Variants in AVEN observed in about 807,000 individuals in gnomAD.
The protein encoded by AVEN is apoptosis and caspase activation inhibitor, also known as cell death regulator Aven.
In AVEN, 41 loss-of-function variants were observed where a neutral mutation model predicts 38.1. That is an observed-to-expected ratio of 1.08 (90% CI 0.84 to 1.40). The LOEUF (loss-of-function observed/expected upper bound fraction) is 1.40. Among genes scored for constraint, AVEN ranks in the 40% most tolerant of loss-of-function variants. AVEN has a pLI of 0.00. For missense variants in AVEN, 605 were observed against 438.8 expected, an observed-to-expected ratio of 1.38 and a Z score of -3.38; for synonymous variants, 206 against 171.8, an observed-to-expected ratio of 1.20 and a Z score of -1.56.
chr15:33,859,375 T>G (rs2080091052), intron 11 of AVEN, among the ~76,000 whole-genome samples: 1 of 152,234 alleles, frequency 6.6e-6, no homozygotes. Context: ...AACGACAGTC[T>G]TTCCATCTTT....
chr15:33,871,046 A>AT lies in AVEN; in HGVS notation c.517-17_517-16insA. ...ATGCTGAATTCTATATATATATATA[A>AT]AAGAAAATAAAATATCAGGTGATGA... On this transcript the variant is annotated splice_polypyrimidine_tract_variant and intron_variant, in intron 3 of 5. Transcript: ENST00000306730. 1.5e-6 allele frequency: 2 copies of AT among 1,301,564 alleles called. No homozygotes were observed. Among genetic ancestry groups the AT allele is most frequent in the Non-Finnish European group, 2.0e-6 (2 of 987,322 alleles). 80.6% of individuals were successfully genotyped at this position (1,301,564 alleles called of 1,614,324 possible). A position where few individuals can be genotyped will look rare whatever the true frequency, so the allele number is the denominator to read the frequency against.
intron 2 of AVEN, among the ~76,000 whole-genome samples, chr15:33,925,306 C>T (rs146611006): frequency 2.1e-3 from 316 of 152,278 alleles, no homozygotes; most frequent in Non-Finnish European, 3.0e-3. Flanking sequence ...CTACCCCAAC[C>T]TCCCTCTGAT....
rs1188896353 is a variant in AVEN, at chr15:34,038,904, C to T, written c.143G>A (p.Gly48Asp). The change falls in exon 1 of 6, where the codon GGC (glycine) becomes GAC (aspartate). Residue 48 changes from glycine to aspartate, a missense_variant. Coordinates refer to ENST00000306730, the MANE Select transcript of AVEN (RefSeq NM_020371.3). Reference protein sequence around the residue: ...GGGGGGGGDGGGRRGRGRGRG... With the variant: ...GGGGGGGGDGDGRRGRGRGRG... ...GCCACGGCCACGGCCCCGGCGTCCGCCTCCGTCCCCGCCGCCGCCTCCGCC... is the reference window on the plus strand; with the variant it reads ...GCCACGGCCACGGCCCCGGCGTCCGTCTCCGTCCCCGCCGCCGCCTCCGCC... 2.6e-5 allele frequency: 29 copies of T among 1,123,898 alleles called. No individual in the cohort carries two copies. The highest frequency in any genetic ancestry group is 3.0e-5 in the Non-Finnish European group (28 of 923,918). The allele number at this position is 1,123,898 out of a possible 1,614,324, so 69.6% of individuals were successfully genotyped here. A position where few individuals can be genotyped will look rare whatever the true frequency, so the allele number is the denominator to read the frequency against.
chr15:34,066,862 T>G (rs1900525025), intron 2 of AVEN: 1 of 151,948 alleles, frequency 6.6e-6, no homozygotes, highest in Admixed American at 6.6e-5. Flanking sequence ...TTTTTATCAT[T>G]GGTTTTGGAA....
chr15:33,961,812 CAAAAAAAAAA>C (rs138076873), intron 2 of AVEN, among the ~76,000 whole-genome samples: 117 of 71,970 alleles, frequency 1.6e-3, no homozygotes, highest in Non-Finnish European at 2.3e-3. Context: ...GACTCTGTCT[CAAAAAAAAAA>C]AAAAAAAAAA....
intron 3 of AVEN, among the ~76,000 whole-genome samples, chr15:33,871,791 A>AAAAAAAAAAAAAAAAAAAAAAAAAAAG (rs1890965933): frequency 1.3e-5 from 2 of 151,484 alleles, no homozygotes; most frequent in African/African-American, 4.9e-5. Flanking sequence ...AAAAAAAAAA[A>AAAAAAAAAAAAAAAAAAAAAAAAAAAG]GCCACTTTGT....
At chr15:34,047,093 T>G (rs1899726193) in intron 5 of AVEN, among the ~76,000 whole-genome samples, 1 of 151,792 alleles carries the variant, frequency 6.6e-6, no homozygotes. Flanking sequence ...TTTTCTTTTT[T>G]TGGAGACGGA....
intron 2 of AVEN, among the ~76,000 whole-genome samples, chr15:33,931,369 T>C (rs1281956824): frequency 2.2e-4 from 15 of 68,646 alleles, no homozygotes; most frequent in South Asian, 6.9e-4. Context: ...TTTTTTTTTT[T>C]TTTTTTTTTT....
intron 2 of AVEN, among the ~76,000 whole-genome samples, chr15:33,931,613 G>A (rs1282965363): frequency 2.0e-5 from 3 of 152,102 alleles, no homozygotes; most frequent in African/African-American, 4.8e-5. Flanking sequence ...CTCGTGATCT[G>A]CCCGCCTCGG....
At chr15:33,905,919 C>G (rs1304850151) in intron 2 of AVEN, among the ~76,000 whole-genome samples, 7 of 152,068 alleles carry the variant, frequency 4.6e-5, no homozygotes, top group African/African-American at 1.7e-4. Context: ...GTTTAGCATA[C>G]CTGTTACCTA....
chr15:33,972,230 G>A (rs1226119228), intron 2 of AVEN: 1 of 151,938 alleles, frequency 6.6e-6, no homozygotes, highest in Non-Finnish European at 1.5e-5. Context: ...CAGTAAGCAA[G>A]CAGACAGTCA....
chr15:34,033,288 C>T (rs962910746), intron 1 of AVEN, among the ~76,000 whole-genome samples: 1 of 152,128 alleles, frequency 6.6e-6, no homozygotes, highest in South Asian at 2.1e-4. Context: ...GGCGGACTGC[C>T]TGACCTCAGG....
At chr15:34,064,017 C>T (rs2576302) in intron 4 of AVEN, 2 of 1,614,198 alleles carry the variant, frequency 1.2e-6, no homozygotes, top group Non-Finnish European at 1.7e-6. Flanking sequence ...GAGAGTGGTC[C>T]TAGTCAAAGA....
chr15:33,981,962 T>C (rs1309026436), intron 2 of AVEN, among the ~76,000 whole-genome samples: 1 of 152,028 alleles, frequency 6.6e-6, no homozygotes, highest in Non-Finnish European at 1.5e-5. Flanking sequence ...GCAATCCTCC[T>C]GCCTCAGCCT....
In AVEN at chr15:33,861,034, A is replaced by G. The variant is rs553598694; in HGVS notation, n.2730-1940T>C. The G allele has an allele frequency of 1.2e-4, 163 of 1,379,754 alleles. 3 individuals carry two copies. The South Asian group carries it at 2.0e-3, about 17-fold the overall frequency. 85.5% of individuals were successfully genotyped at this position (1,379,754 alleles called of 1,614,324 possible). A position where few individuals can be genotyped will look rare whatever the true frequency, so the allele number is the denominator to read the frequency against. ...ATCATGACAGTTTTCTCTCCTGCCTATATTATGCCAACAAATGCCTTTTCT... is the reference window on the plus strand; with the variant it reads ...ATCATGACAGTTTTCTCTCCTGCCTGTATTATGCCAACAAATGCCTTTTCT... On this transcript the variant is annotated intron_variant and non_coding_transcript_variant, in intron 11 of 11. Transcript: ENST00000675287.
chr15:33,861,311 TTTGTCCA>T, downstream of AVEN: 1 of 595,616 alleles, frequency 1.7e-6, no homozygotes, highest in South Asian at 1.8e-5. Context: ...AGCCTGTACC[TTTGTCCA>T]TAGACTCTGT....
intron 2 of AVEN, among the ~76,000 whole-genome samples, chr15:33,962,919 C>CAAAAAA (rs57807791): frequency 6.1e-5 from 5 of 81,924 alleles, no homozygotes; most frequent in African/African-American, 2.7e-4. Flanking sequence ...AACTCGTTCT[C>CAAAAAA]AAAAAAAAAA....
At chr15:33,948,199 G>A (rs1025867439) in intron 2 of AVEN, among the ~76,000 whole-genome samples, 16 of 150,598 alleles carry the variant, frequency 1.1e-4, no homozygotes, top group African/African-American at 3.9e-4. Flanking sequence ...CCAAGTTCAA[G>A]CAATTCTCTG....
At chr15:33,900,761 A>G (rs1248722651) in intron 2 of AVEN, among the ~76,000 whole-genome samples, 3 of 152,196 alleles carry the variant, frequency 2.0e-5, no homozygotes, top group Non-Finnish European at 4.4e-5. Flanking sequence ...TTTAAATCAA[A>G]TTTAATTTAA....
Sources: allele counts gnomAD v4.1 joint callset (sites outside exome capture counted in the v4.1 genomes callset), GRCh38; gene constraint gnomAD v4.1.1; transcripts MANE v1.5; gene names NCBI Gene and HGNC (gene_info 2026-07-23, HGNC 2026-07-21).